DOCK4: variants seen among roughly 807,000 people sequenced by gnomAD.
DOCK4 encodes the protein dedicator of cytokinesis 4, also known as dedicator of cytokinesis protein 4.
In DOCK4, 97 loss-of-function variants were observed where a neutral mutation model predicts 268.1. That is an observed-to-expected ratio of 0.36 (90% CI 0.31 to 0.43). The LOEUF is 0.43. Ranked by LOEUF, DOCK4 falls within the 20% of genes least tolerant of loss-of-function variation. The pLI is 1.00. For synonymous variants in DOCK4, 954 were observed against 887.2 expected (o/e 1.08, Z -1.34); for missense variants, 2,145 against 2,455.7 (o/e 0.87, Z 2.67).
chr7:112,179,526 G>GT (rs57154206), intron 1 of DOCK4, among the ~76,000 whole-genome samples: 2,153 of 145,382 alleles, frequency 0.015, 35 homozygotes, highest in African/African-American at 0.045. Context: ...TTGTTTTTTT[G>GT]TTTTTTTTTT....
chr7:112,125,857 G>C (rs1813173412), intron 1 of DOCK4, among the ~76,000 whole-genome samples: 1 of 151,806 alleles, frequency 6.6e-6, no homozygotes, highest in Non-Finnish European at 1.5e-5. Context: ...CACCCAGACT[G>C]GGATACTGTG....
At chr7:112,086,198 G>A (rs6944697) in intron 1 of DOCK4, among the ~76,000 whole-genome samples, 139,083 of 152,094 alleles carry the variant, frequency 0.91, 63,826 homozygotes, top group East Asian at 1. Flanking sequence ...TATATAGTAC[G>A]TTATCTTTGT....
At chr7:111,808,757 T>G (rs1004387680) in intron 30 of DOCK4, 64 bp downstream of exon 30, 4 of 1,542,282 alleles carry the variant, frequency 2.6e-6, no homozygotes, top group African/African-American at 2.7e-5. Flanking sequence ...CTTTCTTCAT[T>G]TGTACACTTC....
chr7:112,026,591 A>G (rs563582417), intron 1 of DOCK4, among the ~76,000 whole-genome samples: 1 of 152,362 alleles, frequency 6.6e-6, no homozygotes, highest in African/African-American at 2.4e-5. Flanking sequence ...CTTCCACAAA[A>G]TTTTAAAAGA....
At position 111,888,421 on chromosome 7, in the gene DOCK4, A is replaced by G. The variant is rs537166907; in HGVS notation, c.1587+7191T>C. ...AAAAGACTGAAAAATAGGCATAGTT[A>G]GAAAATCAGAAGGTTGAAAGGCTGT... is the stretch of plus-strand genomic sequence containing the variant. On this transcript the variant is annotated intron_variant, in intron 16 of 52. Transcript: ENST00000428084. 2.0e-5 allele frequency among the ~76,000 whole-genome samples: 3 copies of G among 152,094 alleles called. No homozygotes were observed. In the East Asian group the frequency reaches 5.9e-4, roughly 30 times the overall value.
At chr7:111,974,905 C>G (rs1277282226) in intron 8 of DOCK4, among the ~76,000 whole-genome samples, 1 of 152,084 alleles carries the variant, frequency 6.6e-6, no homozygotes, top group Non-Finnish European at 1.5e-5. Context: ...TAATATTAAT[C>G]CCAAATTAGT....
chr7:111,999,154 A>C (rs1314854360), intron 3 of DOCK4, among the ~76,000 whole-genome samples: 1 of 152,146 alleles, frequency 6.6e-6, no homozygotes, highest in East Asian at 1.9e-4. Flanking sequence ...AAACAACAAC[A>C]AAAAAATGAG....
At chr7:111,916,980 GTTTTTTTTTTTTTT>G (rs749349556) in intron 12 of DOCK4, among the ~76,000 whole-genome samples, 3 of 83,996 alleles carry the variant, frequency 3.6e-5, no homozygotes, top group Non-Finnish European at 6.7e-5. Flanking sequence ...TTTCCCCCAT[GTTTTTTTTTTTTTT>G]TTTTTTTTTT....
chr7:111,842,912 T>A (rs1194662512), intron 25 of DOCK4, among the ~76,000 whole-genome samples: 1 of 152,182 alleles, frequency 6.6e-6, no homozygotes, highest in African/African-American at 2.4e-5. Context: ...TAGGCACTGT[T>A]CCCCTGATGA....
At chr7:111,751,413 A>G (rs1009187307) in intron 42 of DOCK4, among the ~76,000 whole-genome samples, 2 of 152,198 alleles carry the variant, frequency 1.3e-5, no homozygotes, top group African/African-American at 2.4e-5. Context: ...CCTTATTTAA[A>G]TCTGGATTCG....
At chr7:112,193,551 A>G (rs983767355) in intron 1 of DOCK4, among the ~76,000 whole-genome samples, 11 of 151,442 alleles carry the variant, frequency 7.3e-5, no homozygotes, top group African/African-American at 2.7e-4. Flanking sequence ...GTGAGCCATG[A>G]TCACACCACT....
At chr7:112,130,423 C>T (rs1303869366) in intron 1 of DOCK4, among the ~76,000 whole-genome samples, 1 of 152,182 alleles carries the variant, frequency 6.6e-6, no homozygotes, top group Admixed American at 6.5e-5. Flanking sequence ...TATTTCTCTT[C>T]CTCACATGAA....
intron 1 of DOCK4, among the ~76,000 whole-genome samples, chr7:112,200,205 T>C (rs1820791285): frequency 6.6e-6 from 1 of 151,910 alleles, no homozygotes; most frequent in Non-Finnish European, 1.5e-5. Flanking sequence ...GTGACAAGTA[T>C]TTTTTTTAAC....
chr7:112,103,860 C>T (rs774970652), intron 1 of DOCK4, among the ~76,000 whole-genome samples: 2 of 151,978 alleles, frequency 1.3e-5, no homozygotes, highest in Non-Finnish European at 2.9e-5. Flanking sequence ...CCAGCCTGGG[C>T]GACAGAGAGA....
chr7:111,786,046 T>C (rs1799141882), intron 32 of DOCK4, among the ~76,000 whole-genome samples: 1 of 152,214 alleles, frequency 6.6e-6, no homozygotes, highest in African/African-American at 2.4e-5. Context: ...TGTCTGTGCA[T>C]GCTCTTTTTA....
chr7:111,881,483 A>G (rs1489690613), intron 16 of DOCK4, among the ~76,000 whole-genome samples: 1 of 152,182 alleles, frequency 6.6e-6, no homozygotes, highest in East Asian at 1.9e-4. Context: ...TGGGAATGTC[A>G]ATTAGTATAA....
chr7:111,899,784 G>A (rs541170468), intron 15 of DOCK4, among the ~76,000 whole-genome samples: 4 of 152,308 alleles, frequency 2.6e-5, no homozygotes, highest in African/African-American at 7.2e-5. Context: ...TTAGCCAGGC[G>A]TGGTGGCCGG....
chr7:112,036,897 G>T (rs1239215813), intron 1 of DOCK4, among the ~76,000 whole-genome samples: 1 of 152,088 alleles, frequency 6.6e-6, no homozygotes, highest in Admixed American at 6.6e-5. Flanking sequence ...CTGACCTCAG[G>T]TGATCCACCC....
At chr7:112,116,949 T>C (rs1019664270) in intron 1 of DOCK4, among the ~76,000 whole-genome samples, 2 of 152,284 alleles carry the variant, frequency 1.3e-5, no homozygotes, top group Admixed American at 1.3e-4. Context: ...TCTAATGCAA[T>C]TGATTTTAAA....
Sources: allele counts gnomAD v4.1 joint callset (sites outside exome capture counted in the v4.1 genomes callset), GRCh38; gene constraint gnomAD v4.1.1; transcripts MANE v1.5; gene names NCBI Gene and HGNC (gene_info 2026-07-23, HGNC 2026-07-21).